PXDNL: variants seen among roughly 807,000 people sequenced by gnomAD.
The protein encoded by PXDNL is probable oxidoreductase PXDNL.
PXDNL carries 145 observed loss-of-function variants against 150.8 expected under a neutral mutation model. The observed-to-expected ratio is 0.96, with a 90% CI of 0.84 to 1.10. The LOEUF (loss-of-function observed/expected upper bound fraction) is 1.10, where lower values mean the gene tolerates loss of function less well. Among genes scored for constraint, PXDNL ranks in the 50% least tolerant of loss-of-function variants. The pLI is 0.00. For synonymous variants in PXDNL, 757 were observed against 725.7 expected (o/e 1.04, Z -0.69); for missense variants, 2,087 against 1,873.9 (o/e 1.11, Z -2.10).
chr8:51,689,416 A>G (rs577455555), intron 1 of PXDNL, among the ~76,000 whole-genome samples: 2 of 151,648 alleles, frequency 1.3e-5, no homozygotes, highest in South Asian at 2.1e-4. Context: ...CAACCTCTCT[A>G]TTGATCAAAC....
chr8:51,349,169 GTGT>G (rs1806258790), intron 19 of PXDNL, among the ~76,000 whole-genome samples: 5 of 72,802 alleles, frequency 6.9e-5, no homozygotes, highest in Admixed American at 1.8e-4. Flanking sequence ...GTGGGTGTGT[GTGT>G]GGGGGTGTGT....
chr8:51,437,937 A>G (rs1026887020), intron 12 of PXDNL, among the ~76,000 whole-genome samples: 1 of 152,210 alleles, frequency 6.6e-6, no homozygotes, highest in Non-Finnish European at 1.5e-5. Context: ...AGTTCCTAGA[A>G]CTGATAAATG....
intron 4 of PXDNL, 115 bp downstream of exon 4, chr8:51,556,725 A>G (rs1012711265): frequency 3.0e-6 from 2 of 673,200 alleles, no homozygotes; most frequent in African/African-American, 3.7e-5. Context: ...TCAATCATTC[A>G]AGCCACATGG....
chr8:51,612,477 T>C (rs1183892827), intron 2 of PXDNL, among the ~76,000 whole-genome samples: 2 of 152,130 alleles, frequency 1.3e-5, no homozygotes, highest in African/African-American at 2.4e-5. Context: ...TTAGGGGTGG[T>C]AAAGTCTGCC....
chr8:51,460,900 G>C (rs1021558577), intron 8 of PXDNL, among the ~76,000 whole-genome samples: 4 of 152,168 alleles, frequency 2.6e-5, no homozygotes, highest in Non-Finnish European at 5.9e-5. Flanking sequence ...TCCAGCCCCT[G>C]CTGACTGCTG....
chr8:51,372,114 G>T lies in PXDNL; in HGVS notation c.3693-33C>A, dbSNP rs769610725. 29 of 1,507,540 alleles carry T rather than the reference G, an allele frequency of 1.9e-5. No individual in the cohort carries two copies. The Middle Eastern group carries it at 5.8e-4, about 30-fold the overall frequency. 93.4% of individuals were successfully genotyped at this position (1,507,540 alleles called of 1,614,324 possible). A position where few individuals can be genotyped will look rare whatever the true frequency, so the allele number is the denominator to read the frequency against. On this transcript the variant is annotated intron_variant, in intron 18 of 22. Transcript: ENST00000356297. Reference sequence around the variant, plus strand: ...TCAACCAAAAAAAAAACATTGTCGTGGGTCTGTGGCCTGAGAACTCAGCTG... The same window carrying T: ...TCAACCAAAAAAAAAACATTGTCGTTGGTCTGTGGCCTGAGAACTCAGCTG...
At chr8:51,696,805 T>A (rs1360531424) in intron 1 of PXDNL, among the ~76,000 whole-genome samples, 13 of 26,420 alleles carry the variant, frequency 4.9e-4, no homozygotes, top group African/African-American at 3.1e-3. Flanking sequence ...ACATAGGTCT[T>A]CACACACACA....
At chr8:51,509,798 G>GTA (rs79867926) in intron 4 of PXDNL, among the ~76,000 whole-genome samples, 4 of 146,082 alleles carry the variant, frequency 2.7e-5, no homozygotes, top group East Asian at 2.0e-4. Flanking sequence ...ACACGTATAT[G>GTA]TATATATATA....
At chr8:51,507,774 T>G (rs76991995) in intron 4 of PXDNL, among the ~76,000 whole-genome samples, 1 of 152,174 alleles carries the variant, frequency 6.6e-6, no homozygotes. Flanking sequence ...GAAGTGGTGG[T>G]GCTACTAGCC....
chr8:51,346,103 C>T (rs1005894440), intron 19 of PXDNL, among the ~76,000 whole-genome samples, 156 bp from the exon 20 acceptor site: 2 of 152,208 alleles, frequency 1.3e-5, no homozygotes, highest in East Asian at 3.9e-4. Flanking sequence ...TTCCATTTTG[C>T]TGGGTGACCA....
At chr8:51,809,044 T>C (rs999947476) in intron 1 of PXDNL, 137 bp downstream of exon 1, 2 of 852,958 alleles carry the variant, frequency 2.3e-6, no homozygotes, top group Admixed American at 3.0e-5. Flanking sequence ...ATGAAATTGT[T>C]TGAAAAGTGA....
At chr8:51,471,834 T>C (rs1007316769) in intron 8 of PXDNL, among the ~76,000 whole-genome samples, 8 of 151,566 alleles carry the variant, frequency 5.3e-5, no homozygotes, top group African/African-American at 1.9e-4. Flanking sequence ...CTACAGGCGC[T>C]CACCACCACG....
At chr8:51,382,309 AG>A (rs1249892775) in intron 17 of PXDNL, among the ~76,000 whole-genome samples, 1 of 152,152 alleles carries the variant, frequency 6.6e-6, no homozygotes, top group Non-Finnish European at 1.5e-5. Context: ...CAAGGTCCTG[AG>A]GAAGCGTGGC....
chr8:51,712,557 T>C (rs1323736611), intron 1 of PXDNL, among the ~76,000 whole-genome samples: 1 of 152,256 alleles, frequency 6.6e-6, no homozygotes, highest in Non-Finnish European at 1.5e-5. Flanking sequence ...GACATAGTAC[T>C]AACTTAATTA....
In PXDNL at chr8:51,394,229, G is replaced by A. The variant is rs533494806; in HGVS notation, c.3557+13838C>T. Among the ~76,000 whole-genome samples, 10 of 152,308 alleles carry A rather than the reference G, an allele frequency of 6.6e-5. No individual in the cohort carries two copies. The East Asian group carries it at 1.2e-3, about 18-fold the overall frequency. On this transcript the variant is annotated intron_variant, in intron 17 of 22. Transcript: ENST00000356297. ...CATGTAATAAATTGTCTTACAGAAT[G>A]AGAGGTGATATATGTCACAAAACAC...
At chr8:51,327,563 A>G (rs1458042841) in intron 21 of PXDNL, among the ~76,000 whole-genome samples, 1 of 152,214 alleles carries the variant, frequency 6.6e-6, no homozygotes, top group Non-Finnish European at 1.5e-5. Flanking sequence ...CCAAGACTCA[A>G]TGTTGTAAAG....
chr8:51,632,528 A>G (rs1019854650), intron 2 of PXDNL, among the ~76,000 whole-genome samples: 4 of 152,184 alleles, frequency 2.6e-5, no homozygotes, highest in Admixed American at 2.6e-4. Context: ...ATGTGAGCCA[A>G]GAGTTCAAGG....
chr8:51,434,767 G>A (rs1483896490), intron 12 of PXDNL, among the ~76,000 whole-genome samples: 4 of 152,040 alleles, frequency 2.6e-5, no homozygotes, highest in Non-Finnish European at 5.9e-5. Context: ...TATTAGATGA[G>A]GAAACTGAGT....
chr8:51,613,036 G>A (rs966341743), intron 2 of PXDNL, among the ~76,000 whole-genome samples: 21 of 152,090 alleles, frequency 1.4e-4, no homozygotes, highest in South Asian at 6.2e-4. Context: ...GGCAGATGCC[G>A]CAAGGACCTA....
Sources: allele counts gnomAD v4.1 joint callset (sites outside exome capture counted in the v4.1 genomes callset), GRCh38; gene constraint gnomAD v4.1.1; transcripts MANE v1.5; gene names NCBI Gene and HGNC (gene_info 2026-07-23, HGNC 2026-07-21).